Variants in NHSL2 observed in about 807,000 individuals in gnomAD.
The protein encoded by NHSL2 is NHS-like protein 2.
In NHSL2, 27 loss-of-function variants were observed where a neutral mutation model predicts 53.4. The ratio of observed to expected loss-of-function variants is 0.51; its 90% CI spans 0.37 to 0.70. The LOEUF (loss-of-function observed/expected upper bound fraction) is 0.70, where lower values mean the gene tolerates loss of function less well. Among genes scored for constraint, NHSL2 ranks in the 30% least tolerant of loss-of-function variants. The pLI, the probability that NHSL2 is intolerant of heterozygous loss-of-function variation, is 0.00. For synonymous variants in NHSL2, 408 were observed against 404.1 expected, an observed-to-expected ratio of 1.01 and a Z score of -0.12; for missense variants, 892 against 980.1, an observed-to-expected ratio of 0.91 and a Z score of 1.20.
chrX:72,140,533 A>G lies in NHSL2; in HGVS notation c.2985A>G (p.Lys995=). The change falls in exon 6 of 8, where the codon AAA becomes AAG. Residue 995 remains lysine (K), a synonymous_variant. Transcript: ENST00000633930. ...TCCAGAGCCAGGAAGAAGCTGAGAAAAAGAAAGGCAAGATTCCACCTCCCG... is the reference window on the plus strand; with the variant it reads ...TCCAGAGCCAGGAAGAAGCTGAGAAGAAGAAAGGCAAGATTCCACCTCCCG... ...ISLQSQEEAE[K]KKGKIPPPVP... 1 of 1,211,333 alleles carries G rather than the reference A, an allele frequency of 8.3e-7. No homozygotes were observed.
At chrX:72,100,924 C>T (rs930985657) in intron 1 of NHSL2, among the ~76,000 whole-genome samples, 1 of 111,781 alleles carries the variant, frequency 8.9e-6, no homozygotes, top group Non-Finnish European at 1.9e-5. Context: ...ATAGAAAGAG[C>T]CTGAGTGCTC....
At chrX:72,046,603 T>C (rs1172674665) in intron 1 of NHSL2, among the ~76,000 whole-genome samples, 1 of 111,848 alleles carries the variant, frequency 8.9e-6, no homozygotes, top group African/African-American at 3.3e-5. Flanking sequence ...GTTGAGAGTC[T>C]GGTGGTGCTG....
intron 1 of NHSL2, among the ~76,000 whole-genome samples, chrX:71,973,739 G>T (rs184889925): frequency 8.9e-6 from 1 of 111,780 alleles, no homozygotes; most frequent in Non-Finnish European, 1.9e-5. Context: ...TTCTTGGCCC[G>T]TTGTGCCTGG....
chrX:72,068,594 G>A (rs911201403), intron 1 of NHSL2, among the ~76,000 whole-genome samples: 2 of 112,467 alleles, frequency 1.8e-5, no homozygotes, highest in African/African-American at 6.5e-5. Context: ...CCTGCCCGGT[G>A]TCGCTTATCC....
At chrX:72,043,543 CG>C (rs945635054) in intron 1 of NHSL2, among the ~76,000 whole-genome samples, 2 of 110,770 alleles carry the variant, frequency 1.8e-5, no homozygotes, top group Non-Finnish European at 3.8e-5. Flanking sequence ...ATGGCTGAGC[CG>C]GGATTCGACC....
Position 72,145,321 on chromosome X carries a change from G to A in NHSL2, c.*1747G>A, listed in dbSNP as rs1011293238. ...CACACTAAGTACTGAGAAAACTTGG[G>A]CCTCTCACAAGAGAAGCCCTAGGCC... On this transcript the variant is annotated 3_prime_UTR_variant, in exon 8 of 8. Coordinates refer to ENST00000633930, the MANE Select transcript of NHSL2 (RefSeq NM_001013627.3). 7.1e-5 allele frequency: 8 copies of A among 112,226 alleles called. No individual in the cohort carries two copies. Among genetic ancestry groups the A allele is most frequent in the African/African-American group, 2.6e-4 (8 of 30,857 alleles). The allele number at this position is 112,226 out of a possible 1,213,427, so 9.2% of individuals were successfully genotyped here.
In NHSL2 at chrX:72,098,692, TTTTA is replaced by T. The variant is rs1449020793; in HGVS notation, c.281-33379_281-33376del. Among the ~76,000 whole-genome samples the T allele has an allele frequency of 4.5e-5, 5 of 112,020 alleles. No homozygotes were observed. In the Admixed American group the frequency reaches 4.7e-4, roughly 11 times the overall value. On this transcript the variant is annotated intron_variant, in intron 1 of 7. Coordinates refer to ENST00000633930, the MANE Select transcript of NHSL2 (RefSeq NM_001013627.3). ...AGAAACTCTGATTTTTAAAATTTTA[TTTTA>T]TTTATTTTTTATTTTAATAGTTTTA...
At chrX:71,971,828 G>A (rs997954592) in intron 1 of NHSL2, among the ~76,000 whole-genome samples, 17 of 110,712 alleles carry the variant, frequency 1.5e-4, no homozygotes, top group Middle Eastern at 4.6e-3. Context: ...ACTGAGGCAG[G>A]AGGATGGTTT....
At chrX:71,930,031 A>G (rs2041705118) in intron 1 of NHSL2, among the ~76,000 whole-genome samples, 1 of 112,229 alleles carries the variant, frequency 8.9e-6, no homozygotes, top group South Asian at 3.7e-4. Context: ...CTGGGATTAT[A>G]GGCATGAGCC....
rs2042250840 is a variant in NHSL2, at chrX:72,038,076, G to GGTCTGGGA, written c.281-93994_281-93987dup. On this transcript the variant is annotated intron_variant, in intron 1 of 7. Coordinates refer to ENST00000633930, the MANE Select transcript of NHSL2 (RefSeq NM_001013627.3). ...TTCCAGGTGCAAGGTATGAGAGTGG[G>GGTCTGGGA]GTCTGGGAGTCTGGGACCTAGTCAC... 2.7e-5 allele frequency among the ~76,000 whole-genome samples: 3 copies of GGTCTGGGA among 112,220 alleles called. No homozygotes were observed. The South Asian group carries it at 1.1e-3, about 42-fold the overall frequency.
chrX:72,106,646 C>T (rs2042043095), intron 1 of NHSL2, among the ~76,000 whole-genome samples: 1 of 111,699 alleles, frequency 9.0e-6, no homozygotes, highest in Non-Finnish European at 1.9e-5. Flanking sequence ...AATCATGCTA[C>T]TATAAAGACA....
At chrX:72,072,863 A>G (rs1463076137) in intron 1 of NHSL2, among the ~76,000 whole-genome samples, 2 of 112,059 alleles carry the variant, frequency 1.8e-5, no homozygotes, top group Non-Finnish European at 3.8e-5. Flanking sequence ...TACAATTTGT[A>G]TACCAAAGGG....
rs2041903597 is a variant in NHSL2, at chrX:72,091,930, G to C, written c.281-40149G>C. On this transcript the variant is annotated intron_variant, in intron 1 of 7. Coordinates refer to ENST00000633930, the MANE Select transcript of NHSL2 (RefSeq NM_001013627.3). The stretch of plus-strand genomic sequence containing the variant: ...TGGATTGGAAGCCAGTTTGCTGGCA[G>C]AGGGGGGCCTCCAGCAAAATGTATT... 2.7e-5 allele frequency among the ~76,000 whole-genome samples: 3 copies of C among 111,661 alleles called. No homozygotes were observed. In the South Asian group the frequency reaches 1.1e-3, roughly 42 times the overall value.
At position 71,999,176 on chromosome X, in the gene NHSL2, A is replaced by G. The variant is rs1457465038; in HGVS notation, c.280+87809A>G. 8.1e-5 allele frequency among the ~76,000 whole-genome samples: 9 copies of G among 111,688 alleles called. No individual in the cohort carries two copies. The Admixed American group carries it at 8.5e-4, about 11-fold the overall frequency. ...CTCCCACCTCTGAATGCTCCACCACATTCTATTACCCTCTATCGTATCCAT... is the reference window on the plus strand; with the variant it reads ...CTCCCACCTCTGAATGCTCCACCACGTTCTATTACCCTCTATCGTATCCAT... On this transcript the variant is annotated intron_variant, in intron 1 of 7. Coordinates refer to ENST00000633930, the MANE Select transcript of NHSL2 (RefSeq NM_001013627.3).
chrX:72,043,231 A>G (rs1012349480), intron 1 of NHSL2, among the ~76,000 whole-genome samples: 21 of 111,748 alleles, frequency 1.9e-4, no homozygotes, highest in Admixed American at 1.6e-3. Flanking sequence ...ACTCCTAGAA[A>G]ATATAACCCA....
chrX:72,052,670 C>T (rs1312428367), intron 1 of NHSL2, among the ~76,000 whole-genome samples: 1 of 111,941 alleles, frequency 8.9e-6, no homozygotes. Context: ...ACGACACTCT[C>T]GCCTGGTCTA....
At chrX:71,987,661 G>C (rs2042009035) in intron 1 of NHSL2, among the ~76,000 whole-genome samples, 1 of 112,317 alleles carries the variant, frequency 8.9e-6, no homozygotes. Flanking sequence ...TTACTTTTCT[G>C]ATAAAATATT....
chrX:71,944,736 G>A (rs1404520013), intron 1 of NHSL2, among the ~76,000 whole-genome samples: 2 of 111,616 alleles, frequency 1.8e-5, no homozygotes, highest in Non-Finnish European at 3.8e-5. Flanking sequence ...GAGTAGTTCT[G>A]GAATTGAATT....
chrX:71,955,007 G>A (rs776711982), intron 1 of NHSL2, among the ~76,000 whole-genome samples: 2 of 112,208 alleles, frequency 1.8e-5, no homozygotes, highest in African/African-American at 3.2e-5. Context: ...AGCCTTTCCA[G>A]TCTTGTGACC....
Sources: gnomAD v4.1 joint callset for allele counts (sites outside exome capture counted in the v4.1 genomes callset) on GRCh38, gnomAD v4.1.1 for gene constraint, MANE v1.5 for transcripts, NCBI Gene and HGNC (gene_info 2026-07-23, HGNC 2026-07-21) for gene names.